The following PTPN23 variants were observed in gnomAD, a reference collection of about 807,000 sequenced individuals.
PTPN23 encodes protein tyrosine phosphatase non-receptor type 23.
A neutral mutation model predicts 156.3 loss-of-function variants in PTPN23; 72 were observed. The observed-to-expected ratio is 0.46, with a 90% CI of 0.38 to 0.56. The LOEUF (loss-of-function observed/expected upper bound fraction) is 0.56, where lower values mean the gene tolerates loss of function less well. Ranked by LOEUF, PTPN23 falls within the 20% of genes least tolerant of loss-of-function variation. PTPN23 has a pLI of 0.00. For missense variants in PTPN23, 1,974 were observed against 2,171.5 expected, an observed-to-expected ratio of 0.91 and a Z score of 1.81; for synonymous variants, 957 against 899.6, an observed-to-expected ratio of 1.06 and a Z score of -1.14.
At position 47,411,809 on chromosome 3, in the gene PTPN23, C is replaced by G. The variant is rs146908373; in HGVS notation, c.3915C>G (p.Thr1305=). 6.2e-7 allele frequency: 1 copy of G among 1,609,104 alleles called. No individual in the cohort carries two copies. The highest frequency in any genetic ancestry group is 8.5e-7 in the Non-Finnish European group (1 of 1,177,618). The change falls in exon 21 of 25, where the codon ACC becomes ACG. Residue 1305 remains threonine, a synonymous_variant. Transcript: ENST00000265562. The surrounding 1 kb of genome is among the most constrained non-coding windows in gnomAD (Gnocchi z 6.3). ...EKQKVARYFP[T]ERGQPMVHGA... ...AAAAAGTGGCACGCTACTTCCCCAC[C>G]GAGAGGGGCCAGCCCATGGTGCACG...
chr3:47,408,232 T>G (rs1705176624), intron 14 of PTPN23, 113 bp from the exon 15 acceptor site: 1 of 1,440,618 alleles, frequency 6.9e-7, no homozygotes, highest in Non-Finnish European at 9.5e-7. Context: ...GGTCACAATT[T>G]GCTCTCTGCT....
rs765147983 is a variant in PTPN23, at chr3:47,413,083, T to TAAC, written c.4810_4812dup (p.Asn1604dup). 2.5e-6 allele frequency: 4 copies of TAAC among 1,612,940 alleles called. No homozygotes were observed. The highest frequency in any genetic ancestry group is 1.1e-5 in the South Asian group (1 of 91,090). On this transcript the variant is annotated inframe_insertion, in exon 25 of 25. Transcript: ENST00000265562. ...GGGGCAAACAGCGGATGAGCAAGCA[T>TAAC]AACTTTCTGCAGGCCCATAACGGGC...
At position 47,384,891 on chromosome 3, in the gene PTPN23, T is replaced by C. The variant is rs529310848; in HGVS notation, c.84+3711T>C. Among the ~76,000 whole-genome samples, 11 of 152,180 alleles carry C rather than the reference T, an allele frequency of 7.2e-5. 1 individual carries two copies. The East Asian group carries it at 1.9e-3, about 27-fold the overall frequency. ...GATTCTCCTGCCTCAGCCTCCCAAG[T>C]AGCTAGGATTACAGGCATGTGCCAC... On this transcript the variant is annotated intron_variant, in intron 1 of 24. Transcript: ENST00000265562.
Position 47,406,156 on chromosome 3 carries a change from G to T in PTPN23, c.546+110G>T. ...CAAGGCAGTGAGGGACAAGCAAGGG[G>T]CCTTGGCTTTGTTGAATCAGGAGCA... On this transcript the variant is annotated intron_variant, in intron 6 of 24. Coordinates refer to ENST00000265562, the MANE Select transcript of PTPN23 (RefSeq NM_015466.4). The surrounding 1 kb of genome is among the most constrained non-coding windows in gnomAD (Gnocchi z 5.8). The T allele has an allele frequency of 2.0e-6, 3 of 1,515,850 alleles. No individual in the cohort carries two copies. Among genetic ancestry groups the T allele is most frequent in the South Asian group, 2.5e-5 (2 of 80,772 alleles). The allele number at this position is 1,515,850 out of a possible 1,614,324, so 93.9% of individuals were successfully genotyped here.
At chr3:47,389,960 C>T (rs1442578077) in intron 1 of PTPN23, among the ~76,000 whole-genome samples, 1 of 151,070 alleles carries the variant, frequency 6.6e-6, no homozygotes, top group East Asian at 1.9e-4. Flanking sequence ...GTAGTCCCAG[C>T]TACTTGGGAG....
intron 2 of PTPN23, among the ~76,000 whole-genome samples, chr3:47,403,364 T>C (rs1324620337): frequency 1.3e-5 from 2 of 151,406 alleles, no homozygotes; most frequent in African/African-American, 2.4e-5. Flanking sequence ...ATTCTTTTCT[T>C]TTTTTTTTCC....
At chr3:47,401,787 A>G (rs1341725564) in intron 2 of PTPN23, among the ~76,000 whole-genome samples, 1 of 152,198 alleles carries the variant, frequency 6.6e-6, no homozygotes, top group African/African-American at 2.4e-5. Flanking sequence ...TGGGCATTCT[A>G]GAAGCCTCAC....
rs1705098615 is a variant in PTPN23 at position 47,405,403 on chromosome 3, G to A, written c.364+322G>A. On this transcript the variant is annotated intron_variant, in intron 4 of 24. Coordinates refer to ENST00000265562, the MANE Select transcript of PTPN23 (RefSeq NM_015466.4). This position sits in a 1 kb window ranked among gnomAD's most constrained non-coding sequence, Gnocchi z 4.7. The stretch of plus-strand genomic sequence containing the variant: ...TGGTTTTGGGCTGCTTCAGGCAGGA[G>A]GAGAGTGTGGCTGGCCTCAGCTTAC... 5.6e-6 allele frequency: 3 copies of A among 534,798 alleles called. No homozygotes were observed. The highest frequency in any genetic ancestry group is 1.0e-5 in the Non-Finnish European group (3 of 297,274). 33.1% of individuals were successfully genotyped at this position (534,798 alleles called of 1,614,324 possible).
At chr3:47,387,020 C>T (rs1704667705) in intron 1 of PTPN23, among the ~76,000 whole-genome samples, 1 of 152,196 alleles carries the variant, frequency 6.6e-6, no homozygotes, top group African/African-American at 2.4e-5. Context: ...CTGAGTCTTC[C>T]TCACTGTGTT....
intron 1 of PTPN23, among the ~76,000 whole-genome samples, chr3:47,391,246 T>C (rs1308307940): frequency 6.6e-6 from 1 of 151,754 alleles, no homozygotes; most frequent in African/African-American, 2.4e-5. Context: ...GTCTCGAAAA[T>C]AAAATAAAAC....
Position 47,405,049 on chromosome 3 carries a change from A to G in PTPN23, c.332A>G (p.Lys111Arg). 1.2e-6 allele frequency: 2 copies of G among 1,614,226 alleles called. No individual in the cohort carries two copies. Among genetic ancestry groups the G allele is most frequent in the Non-Finnish European group, 8.5e-7 (1 of 1,180,034 alleles). The change falls in exon 4 of 25, where the codon AAG becomes AGG. Residue 111 changes from lysine to arginine, a missense_variant. Coordinates refer to ENST00000265562, the MANE Select transcript of PTPN23 (RefSeq NM_015466.4). The surrounding 1 kb of genome is among the most constrained non-coding windows in gnomAD (Gnocchi z 4.7). ...AAGTCTGTGGCCCATGAGGACATCA[A>G]GTACGAGCAGGCCTGTATTCTCTAC... ...SGKSVAHEDIKYEQACILYNL... is the reference protein window; with the variant it reads ...SGKSVAHEDIRYEQACILYNL...
intron 2 of PTPN23, among the ~76,000 whole-genome samples, chr3:47,400,089 C>T (rs1334247542): frequency 6.6e-6 from 1 of 152,134 alleles, no homozygotes; most frequent in Non-Finnish European, 1.5e-5. Context: ...GGATTACAGG[C>T]GTGAGTCACC....
intron 2 of PTPN23, among the ~76,000 whole-genome samples, chr3:47,402,472 G>A (rs1705015279): frequency 6.6e-6 from 1 of 152,070 alleles, no homozygotes; most frequent in Non-Finnish European, 1.5e-5. Context: ...TAGATACGGG[G>A]TTTCACCACG....
rs527516177 is a variant in PTPN23 at position 47,407,687 on chromosome 3, AC to A, written c.1004-3del. 23 of 1,345,876 alleles carry A rather than the reference AC, an allele frequency of 1.7e-5. No individual in the cohort carries two copies. The highest frequency in any genetic ancestry group is 1.9e-5 in the Non-Finnish European group (18 of 937,190). The allele number at this position is 1,345,876 out of a possible 1,614,324, so 83.4% of individuals were successfully genotyped here. A position where few individuals can be genotyped will look rare whatever the true frequency, so the allele number is the denominator to read the frequency against. On this transcript the variant is annotated splice_polypyrimidine_tract_variant and intron_variant, in intron 12 of 24. Coordinates refer to ENST00000265562, the MANE Select transcript of PTPN23 (RefSeq NM_015466.4). The surrounding 1 kb of genome is among the most constrained non-coding windows in gnomAD (Gnocchi z 4.0). ...CGTGGGCCTGATCTCCACAATTCCC[AC>A]CCCCCCAGGAGCCCCCTTGGTGAAG...
intron 2 of PTPN23, among the ~76,000 whole-genome samples, chr3:47,402,162 C>A (rs536648029): frequency 6.6e-6 from 1 of 152,162 alleles, no homozygotes; most frequent in South Asian, 2.1e-4. Flanking sequence ...GTTTTCCCCC[C>A]AAAATAATAG....
chr3:47,400,289 T>C (rs190592787), intron 2 of PTPN23, among the ~76,000 whole-genome samples: 2 of 152,354 alleles, frequency 1.3e-5, no homozygotes, highest in Admixed American at 1.3e-4. Flanking sequence ...AGGAAGACTT[T>C]CCTTTTTAAA....
intron 2 of PTPN23, among the ~76,000 whole-genome samples, chr3:47,399,153 A>G (rs1704941588): frequency 6.6e-6 from 1 of 152,182 alleles, no homozygotes; most frequent in Admixed American, 6.5e-5. Context: ...AGAAGCAGCA[A>G]TCAGCAAGAT....
In PTPN23 at chr3:47,410,777, C is replaced by A. The variant is rs781317239; in HGVS notation, c.2979C>A (p.Pro993=). ...LFPPQAPGLL[P]PQSPYPYAPQ... ...CACCCCAGGCCCCAGGACTCCTACC[C>A]CCACAATCCCCCTACCCCTATGCCC... is the stretch of plus-strand genomic sequence containing the variant. Residue 993 remains proline (P), a synonymous_variant, in exon 20 of 25, where the codon CCC becomes CCA. Transcript: ENST00000265562. 1.3e-5 allele frequency: 20 copies of A among 1,559,682 alleles called. No homozygotes were observed. Among genetic ancestry groups the A allele is most frequent in the African/African-American group, 2.7e-5 (2 of 73,582 alleles).
intron 2 of PTPN23, among the ~76,000 whole-genome samples, chr3:47,397,550 C>T (rs1704904208): frequency 6.6e-6 from 1 of 152,186 alleles, no homozygotes; most frequent in South Asian, 2.1e-4. Flanking sequence ...GTTTTCTTGT[C>T]TATCATGGAC....
Sources: gnomAD v4.1 joint callset for allele counts (sites outside exome capture counted in the v4.1 genomes callset) on GRCh38, gnomAD v4.1.1 for gene constraint, Gnocchi (gnomAD v3.1) non-coding constraint, MANE v1.5 for transcripts, NCBI Gene and HGNC (gene_info 2026-07-23, HGNC 2026-07-21) for gene names.